The following PHACTR3 variants were observed in gnomAD, a reference collection of about 807,000 sequenced individuals.
The protein encoded by PHACTR3 is protein phosphatase 1, regulatory subunit 123.
PHACTR3 carries 16 observed loss-of-function variants against 66.8 expected under a neutral mutation model. The ratio of observed to expected loss-of-function variants is 0.24; its 90% CI spans 0.16 to 0.36. The LOEUF is 0.36. PHACTR3 is among the 10% of genes least tolerant of loss of function. The pLI is 1.00. For missense variants in PHACTR3, 647 were observed against 719.9 expected (o/e 0.90, Z 1.16); for synonymous variants, 323 against 292.1 (o/e 1.11, Z -1.08).
chr20:59,683,054 C>T (rs1201793493), intron 1 of PHACTR3, among the ~76,000 whole-genome samples: 4 of 152,140 alleles, frequency 2.6e-5, no homozygotes, highest in Admixed American at 2.6e-4. Flanking sequence ...GCTAACTGGC[C>T]ACAGTGAGGT....
chr20:59,814,953 G>A (rs2041843680), intron 8 of PHACTR3, among the ~76,000 whole-genome samples: 1 of 152,124 alleles, frequency 6.6e-6, no homozygotes, highest in Admixed American at 6.5e-5. Flanking sequence ...CAGGAGGTGG[G>A]GGGAGGGTGA....
At chr20:59,614,713 AC>A (rs2033972270) in intron 1 of PHACTR3, among the ~76,000 whole-genome samples, 2 of 152,328 alleles carry the variant, frequency 1.3e-5, no homozygotes, top group African/African-American at 4.8e-5. Flanking sequence ...TTATGGCATT[AC>A]TTTTTGGTTC....
chr20:59,800,229 T>A (rs1291146833), intron 7 of PHACTR3, among the ~76,000 whole-genome samples: 1 of 152,216 alleles, frequency 6.6e-6, no homozygotes, highest in East Asian at 1.9e-4. Flanking sequence ...TATTTACACT[T>A]GTGGTTACCA....
intron 1 of PHACTR3, among the ~76,000 whole-genome samples, chr20:59,674,007 G>C (rs1175964998): frequency 6.6e-6 from 1 of 152,170 alleles, no homozygotes; most frequent in East Asian, 1.9e-4. Flanking sequence ...CTGGTCTCCA[G>C]ACCTGCCTGC....
chr20:59,843,758 G>C (rs1381924213), intron 11 of PHACTR3: 2 of 152,028 alleles, frequency 1.3e-5, no homozygotes, highest in Non-Finnish European at 2.9e-5. Flanking sequence ...AACAGTCCAG[G>C]ACATTGGTCT....
chr20:59,775,302 T>G (rs1308225174), intron 7 of PHACTR3, among the ~76,000 whole-genome samples: 3 of 152,064 alleles, frequency 2.0e-5, no homozygotes, highest in Non-Finnish European at 4.4e-5. Flanking sequence ...AAGGGAAGGA[T>G]CAGGAAGCGT....
At chr20:59,791,582 C>CTT in intron 7 of PHACTR3, among the ~76,000 whole-genome samples, 1 of 151,674 alleles carries the variant, frequency 6.6e-6, no homozygotes, top group South Asian at 2.1e-4. Context: ...CATGTGAGCA[C>CTT]TTTTCTTTTT....
chr20:59,804,237 C>G (rs1445063661), intron 7 of PHACTR3, among the ~76,000 whole-genome samples: 1 of 152,152 alleles, frequency 6.6e-6, no homozygotes, highest in Non-Finnish European at 1.5e-5. Context: ...ATGAGAATGA[C>G]TTGCTCCTAG....
chr20:59,804,972 C>A (rs2041519828), intron 7 of PHACTR3, among the ~76,000 whole-genome samples: 1 of 152,156 alleles, frequency 6.6e-6, no homozygotes, highest in African/African-American at 2.4e-5. Context: ...GGAATTAAAT[C>A]CCGGCCCAAA....
At chr20:59,667,156 T>C (rs753022800) in intron 1 of PHACTR3, among the ~76,000 whole-genome samples, 22 of 152,140 alleles carry the variant, frequency 1.4e-4, no homozygotes, top group Non-Finnish European at 2.4e-4. Context: ...CATTTAAACC[T>C]CTCTCTTCTG....
rs1262336485 is a variant in PHACTR3 at position 59,829,416 on chromosome 20, C to A, written c.1329-7089C>A. On this transcript the variant is annotated intron_variant, in intron 8 of 12. Transcript: ENST00000371015. The surrounding 1 kb of genome is among the most constrained non-coding windows in gnomAD (Gnocchi z 4.2). ...ATCTTATGGCCTGGAGAGTCCTCTT[C>A]TCTTCCTGAACTTCTCTCCAGACAC... Among the ~76,000 whole-genome samples, 1 of 152,228 alleles carries A rather than the reference C, an allele frequency of 6.6e-6. No homozygotes were observed. The highest frequency in any genetic ancestry group is 2.4e-5 in the African/African-American group (1 of 41,462).
chr20:59,634,566 C>G (rs1334740060), intron 1 of PHACTR3, among the ~76,000 whole-genome samples: 5 of 152,324 alleles, frequency 3.3e-5, no homozygotes. Flanking sequence ...TGTTTTCACA[C>G]CGCAGCAACA....
intron 8 of PHACTR3, among the ~76,000 whole-genome samples, chr20:59,822,769 G>A (rs1163617087): frequency 1.3e-5 from 2 of 152,320 alleles, no homozygotes; most frequent in Middle Eastern, 3.4e-3. Flanking sequence ...CCTGCCTCCA[G>A]CTCCCAGCCT....
At chr20:59,804,177 G>A (rs1384241810) in intron 7 of PHACTR3, among the ~76,000 whole-genome samples, 1 of 152,164 alleles carries the variant, frequency 6.6e-6, no homozygotes, top group Admixed American at 6.5e-5. Flanking sequence ...TTTTGTTGTG[G>A]TCCTACTGTG....
At chr20:59,679,569 T>G (rs2036571901) in intron 1 of PHACTR3, among the ~76,000 whole-genome samples, 1 of 152,210 alleles carries the variant, frequency 6.6e-6, no homozygotes, top group Non-Finnish European at 1.5e-5. Context: ...TGTGTTGCTC[T>G]GGGTGGCATG....
At chr20:59,680,936 G>C (rs1403754383) in intron 1 of PHACTR3, among the ~76,000 whole-genome samples, 2 of 152,354 alleles carry the variant, frequency 1.3e-5, no homozygotes, top group Middle Eastern at 3.4e-3. Context: ...CTGTCATACA[G>C]GGTCATTCTA....
chr20:59,591,317 C>T (rs938618735), intron 1 of PHACTR3, among the ~76,000 whole-genome samples: 2 of 152,204 alleles, frequency 1.3e-5, no homozygotes, highest in Non-Finnish European at 2.9e-5. Flanking sequence ...TGCTTCAGTT[C>T]CCCACTTCCA....
intron 1 of PHACTR3, among the ~76,000 whole-genome samples, chr20:59,592,026 C>T (rs972113706): frequency 1.3e-5 from 2 of 152,080 alleles, no homozygotes; most frequent in South Asian, 4.1e-4. Flanking sequence ...CTTTTGTGCA[C>T]GGCTTTTGAA....
chr20:59,773,223 C>T (rs757518234), intron 5 of PHACTR3, 56 bp from the exon 6 acceptor site: 131 of 1,563,296 alleles, frequency 8.4e-5, no homozygotes, highest in Non-Finnish European at 1.0e-4. Context: ...CTCAGCAAAA[C>T]CCTTGGTCCC....
Sources: gnomAD v4.1 joint callset for allele counts (sites outside exome capture counted in the v4.1 genomes callset) on GRCh38, gnomAD v4.1.1 for gene constraint, Gnocchi (gnomAD v3.1) non-coding constraint, MANE v1.5 for transcripts, NCBI Gene and HGNC (gene_info 2026-07-23, HGNC 2026-07-21) for gene names.